GRM1: variants seen among roughly 807,000 people sequenced by gnomAD.
GRM1 encodes the protein metabotropic glutamate receptor 1.
In GRM1, 33 loss-of-function variants were observed where a neutral mutation model predicts 90.9. That is an observed-to-expected ratio of 0.36 (90% CI 0.28 to 0.49). The LOEUF is 0.49. Among genes scored for constraint, GRM1 ranks in the 20% least tolerant of loss-of-function variants. The pLI is 0.99. For missense variants in GRM1, 1,190 were observed against 1,534.3 expected, an observed-to-expected ratio of 0.78 and a Z score of 3.75; for synonymous variants, 700 against 613.2, an observed-to-expected ratio of 1.14 and a Z score of -2.09.
At position 146,029,787 on chromosome 6, in the gene GRM1, C is replaced by T. The variant is rs1403988868; in HGVS notation, c.270C>T (p.Asn90=). 6.2e-7 allele frequency: 1 copy of T among 1,614,108 alleles called. No individual in the cohort carries two copies. Residue 90 remains asparagine, a synonymous_variant, in exon 1 of 8, where the codon AAC becomes AAT. Coordinates refer to ENST00000282753, the MANE Select transcript of GRM1 (RefSeq NM_001278064.2). ...TGTTCCACACGTTGGATAAGATCAA[C>T]GCGGACCCGGTCCTCCTGCCCAACA... The part of the protein sequence containing the change: ...EAMFHTLDKI[N]ADPVLLPNIT...
chr6:146,214,618 G>T (rs1417259980), intron 2 of GRM1, among the ~76,000 whole-genome samples: 1 of 152,174 alleles, frequency 6.6e-6, no homozygotes, highest in Non-Finnish European at 1.5e-5. Context: ...TCATAATTAA[G>T]TAGGGGGTGG....
intron 2 of GRM1, among the ~76,000 whole-genome samples, chr6:146,303,624 A>T (rs1412491638): frequency 1.3e-5 from 2 of 152,148 alleles, no homozygotes; most frequent in Non-Finnish European, 2.9e-5. Flanking sequence ...GGATGGCAGG[A>T]GTCTAATGTG....
At chr6:146,406,034 G>A (rs1583453874) in intron 7 of GRM1, among the ~76,000 whole-genome samples, 1 of 152,200 alleles carries the variant, frequency 6.6e-6, no homozygotes, top group South Asian at 2.1e-4. Context: ...AATTCCGACA[G>A]TATTTAAGGA....
intron 7 of GRM1, among the ~76,000 whole-genome samples, chr6:146,405,019 A>T (rs1777295662): frequency 6.6e-6 from 1 of 152,236 alleles, no homozygotes; most frequent in Non-Finnish European, 1.5e-5. Flanking sequence ...AGCTGAAAGA[A>T]ATAATAAGAA....
chr6:146,182,762 A>G (rs1325510424), intron 2 of GRM1, among the ~76,000 whole-genome samples: 2 of 152,116 alleles, frequency 1.3e-5, no homozygotes, highest in Non-Finnish European at 2.9e-5. Context: ...CAAGACATAC[A>G]TACTGGGGTT....
chr6:146,036,873 A>G (rs1384445026), intron 1 of GRM1, among the ~76,000 whole-genome samples: 1 of 151,942 alleles, frequency 6.6e-6, no homozygotes, highest in African/African-American at 2.4e-5. Flanking sequence ...TATGCATCAC[A>G]TATTTTTCTT....
At chr6:146,406,950 T>C (rs567643059) in intron 7 of GRM1, among the ~76,000 whole-genome samples, 5 of 152,274 alleles carry the variant, frequency 3.3e-5, no homozygotes, top group African/African-American at 1.2e-4. Flanking sequence ...TGCACATCTG[T>C]TCTGTGTGAT....
At position 146,159,223 on chromosome 6, in the gene GRM1, C is replaced by T. The variant is rs1777624124; in HGVS notation, c.701-125C>T. ...ATCCAGATCTTCCGTCAGTCTCAGC[C>T]ATATTTACAAATTATTTGGCAAGTC... On this transcript the variant is annotated intron_variant, in intron 1 of 7. Transcript: ENST00000282753. The T allele has an allele frequency of 2.8e-6, 3 of 1,090,060 alleles. No individual in the cohort carries two copies. In the Admixed American group the frequency reaches 5.1e-5, roughly 18 times the overall value. The allele number at this position is 1,090,060 out of a possible 1,614,324, so 67.5% of individuals were successfully genotyped here.
At chr6:146,193,963 G>T (rs1031905667) in intron 2 of GRM1, among the ~76,000 whole-genome samples, 2 of 150,236 alleles carry the variant, frequency 1.3e-5, no homozygotes, top group South Asian at 2.1e-4. Context: ...TTTTTTTTTA[G>T]TATTAGTAGC....
At chr6:146,397,497 A>AAAAAAAAAAAAAAAAAAAT (rs1777006763) in intron 6 of GRM1, among the ~76,000 whole-genome samples, 1 of 151,098 alleles carries the variant, frequency 6.6e-6, no homozygotes, top group Non-Finnish European at 1.5e-5. Flanking sequence ...AAAAAAAAAA[A>AAAAAAAAAAAAAAAAAAAT]AAAAAAAAGC....
intron 2 of GRM1, among the ~76,000 whole-genome samples, chr6:146,269,338 C>T (rs1347096614): frequency 2.0e-5 from 3 of 152,160 alleles, no homozygotes; most frequent in Non-Finnish European, 2.9e-5. Context: ...ATTTACACTT[C>T]CTTTTATAGT....
At chr6:146,065,059 TA>T (rs1476058538) in intron 1 of GRM1, among the ~76,000 whole-genome samples, 1 of 152,086 alleles carries the variant, frequency 6.6e-6, no homozygotes, top group Non-Finnish European at 1.5e-5. Context: ...CTTTTAATAT[TA>T]AAAAAATATA....
chr6:146,096,531 G>A (rs1426492405), intron 1 of GRM1, among the ~76,000 whole-genome samples: 2 of 152,148 alleles, frequency 1.3e-5, no homozygotes, highest in African/African-American at 4.8e-5. Flanking sequence ...TGCTCCAACA[G>A]AAGCTTTTCA....
At chr6:146,252,653 T>C (rs567162401) in intron 2 of GRM1, among the ~76,000 whole-genome samples, 1 of 152,206 alleles carries the variant, frequency 6.6e-6, no homozygotes, top group South Asian at 2.1e-4. Context: ...ATTAGAGTTT[T>C]AGAGTTTTCC....
rs764363451 is a variant in GRM1, at chr6:146,434,597, A to T, written c.3386A>T (p.Glu1129Val). The T allele has an allele frequency of 7.4e-6, 12 of 1,613,576 alleles. No individual in the cohort carries two copies. The East Asian group carries it at 2.2e-4, about 30-fold the overall frequency. Residue 1129 changes from glutamate (E) to valine (V), a missense_variant, in exon 8 of 8, where the codon GAG becomes GTG. Glu to Val is a moderately radical substitution (Grantham distance 121, BLOSUM62 -2). Transcript: ENST00000282753. ...GAAGACGAACTGGAAGAGGAGGAGGAGGACCTGCAGGCGGCCAGCAAACTG... is the reference window on the plus strand; with the variant it reads ...GAAGACGAACTGGAAGAGGAGGAGGTGGACCTGCAGGCGGCCAGCAAACTG... The part of the protein sequence containing the change: ...TEEDELEEEE[E>V]DLQAASKLTP...
At chr6:146,184,397 A>G (rs774141991) in intron 2 of GRM1, among the ~76,000 whole-genome samples, 2 of 152,080 alleles carry the variant, frequency 1.3e-5, no homozygotes, top group Non-Finnish European at 2.9e-5. Flanking sequence ...TACAATACTG[A>G]TAAATTCTCT....
rs143821112 is a variant in GRM1, at chr6:146,150,938, GCACACACA to G, written c.701-8388_701-8381del. Among the ~76,000 whole-genome samples, 116 of 150,820 alleles carry G rather than the reference GCACACACA, an allele frequency of 7.7e-4. 1 individual carries two copies. Among genetic ancestry groups the G allele is most frequent in the Middle Eastern group, 3.4e-3 (1 of 294 alleles). On this transcript the variant is annotated intron_variant, in intron 1 of 7. Transcript: ENST00000282753. ...TATAAACACACACACGCGTGTGCGCGCACACACACACACACACACACACACACACTACA... is the reference window on the plus strand; with the variant it reads ...TATAAACACACACACGCGTGTGCGCGCACACACACACACACACACACTACA...
chr6:146,212,005 C>A (rs549972018), intron 2 of GRM1, among the ~76,000 whole-genome samples: 1 of 152,160 alleles, frequency 6.6e-6, no homozygotes, highest in Non-Finnish European at 1.5e-5. Context: ...TCAGGAAGGG[C>A]AGGCTGGAAC....
At chr6:146,397,739 G>A (rs144427142) in intron 6 of GRM1, among the ~76,000 whole-genome samples, 6 of 152,242 alleles carry the variant, frequency 3.9e-5, no homozygotes, top group African/African-American at 9.6e-5. Flanking sequence ...TTCTGATCCT[G>A]CCTGAGTGAT....
Sources: allele counts gnomAD v4.1 joint callset (sites outside exome capture counted in the v4.1 genomes callset), GRCh38; gene constraint gnomAD v4.1.1; transcripts MANE v1.5; gene names NCBI Gene and HGNC (gene_info 2026-07-23, HGNC 2026-07-21).